RGS6: variants seen among roughly 807,000 people sequenced by gnomAD.
The protein encoded by RGS6 is regulator of G protein signaling 6.
In RGS6, 30 loss-of-function variants were observed where a neutral mutation model predicts 78.5. That is an observed-to-expected ratio of 0.38 (90% CI 0.29 to 0.52). The LOEUF (loss-of-function observed/expected upper bound fraction) is 0.52. Ranked by LOEUF, RGS6 falls within the 20% of genes least tolerant of loss-of-function variation. The probability of loss-of-function intolerance (pLI) is 0.85; values close to 1 mark genes in which losing one functional copy is unlikely to be tolerated. For missense variants in RGS6, 495 were observed against 609.7 expected, an observed-to-expected ratio of 0.81 and a Z score of 1.98; for synonymous variants, 206 against 206.0, an observed-to-expected ratio of 1.00 and a Z score of 0.00.
intron 3 of RGS6, among the ~76,000 whole-genome samples, chr14:72,431,419 C>T (rs2094629926): frequency 6.6e-6 from 1 of 152,178 alleles, no homozygotes; most frequent in Admixed American, 6.5e-5. Flanking sequence ...GTGGTGCGAT[C>T]TTGGCTCACT....
chr14:72,129,366 T>C (rs2096268689), intron 2 of RGS6, among the ~76,000 whole-genome samples: 1 of 152,222 alleles, frequency 6.6e-6, no homozygotes, highest in Non-Finnish European at 1.5e-5. Context: ...TAAATATTTG[T>C]TTAATGAATA....
intron 3 of RGS6, among the ~76,000 whole-genome samples, chr14:72,399,889 G>A (rs1427849807): frequency 1.3e-5 from 2 of 152,206 alleles, no homozygotes; most frequent in Non-Finnish European, 2.9e-5. Context: ...GGGACTATGT[G>A]TAAAGCCCAA....
At chr14:72,611,891 T>A in the RGS6 span, among the ~76,000 whole-genome samples, 184 of 152,198 alleles carry the variant, frequency 1.2e-3, no homozygotes, top group Middle Eastern at 3.4e-3. Context: ...TACATATACT[T>A]ACACCTTCCG....
chr14:72,386,072 G>C (rs773454852), intron 3 of RGS6, among the ~76,000 whole-genome samples: 9 of 152,088 alleles, frequency 5.9e-5, no homozygotes, highest in Non-Finnish European at 5.9e-5. Flanking sequence ...GCTTTCTTAG[G>C]CATGGGCAGG....
At chr14:71,885,027 G>A in the RGS6 span, among the ~76,000 whole-genome samples, 9 of 152,146 alleles carry the variant, frequency 5.9e-5, no homozygotes, top group African/African-American at 2.2e-4. Flanking sequence ...TGACAGCACT[G>A]CAAATGTAGC....
intron 2 of RGS6, among the ~76,000 whole-genome samples, chr14:72,034,749 C>G (rs1270643631): frequency 1.3e-5 from 2 of 152,086 alleles, no homozygotes; most frequent in Non-Finnish European, 1.5e-5. Context: ...GCCAATTCTT[C>G]TTTAAATGTT....
intron 2 of RGS6, among the ~76,000 whole-genome samples, chr14:72,138,984 C>T: frequency 6.6e-6 from 1 of 152,146 alleles, no homozygotes; most frequent in East Asian, 1.9e-4. Flanking sequence ...CCCCCACCGA[C>T]CCACCCAGTC....
chr14:72,148,891 G>A (rs751344505), intron 2 of RGS6, among the ~76,000 whole-genome samples: 2 of 152,238 alleles, frequency 1.3e-5, no homozygotes, highest in African/African-American at 2.4e-5. Flanking sequence ...ATGGGCAGAA[G>A]TAGAGCATTC....
chr14:72,284,358 G>GCCC (rs536156282), intron 2 of RGS6, among the ~76,000 whole-genome samples: 3 of 102,758 alleles, frequency 2.9e-5, no homozygotes, highest in Admixed American at 1.0e-4. Flanking sequence ...AGGAAAAAAT[G>GCCC]GCCCCCCCAC....
At chr14:72,600,864 A>ACTCCCCG in the RGS6 span, among the ~76,000 whole-genome samples, 7,460 of 151,100 alleles carry the variant, frequency 0.049, 651 homozygotes, top group African/African-American at 0.17. Flanking sequence ...TAGGGTCCCT[A>ACTCCCCG]CTCCCCGCAC....
intron 2 of RGS6, among the ~76,000 whole-genome samples, chr14:72,015,064 A>G (rs905187672): frequency 9.2e-5 from 14 of 152,190 alleles, no homozygotes; most frequent in African/African-American, 3.4e-4. Context: ...GAGACTGGGT[A>G]ATTAATAAAG....
intron 2 of RGS6, among the ~76,000 whole-genome samples, chr14:72,200,613 TGGAAACACACA>T (rs11274640): frequency 0.36 from 54,567 of 151,786 alleles, 10,282 homozygotes; most frequent in South Asian, 0.53. Flanking sequence ...GGGCTGTCCC[TGGAAACACACA>T]GTCCTCCTCA....
intron 2 of RGS6, among the ~76,000 whole-genome samples, chr14:72,039,451 T>C (rs1321237290): frequency 6.6e-6 from 1 of 152,194 alleles, no homozygotes; most frequent in African/African-American, 2.4e-5. Context: ...AATGTCCTTT[T>C]TTGTTTCTTC....
chr14:72,143,935 T>G (rs2096574353), intron 2 of RGS6, among the ~76,000 whole-genome samples: 3 of 152,158 alleles, frequency 2.0e-5, no homozygotes. Context: ...TAGTAAGAGA[T>G]ATGTCAGTCA....
At position 72,536,220 on chromosome 14, in the gene RGS6, A is replaced by C; in HGVS notation, c.1313A>C (p.Tyr438Ser). The C allele has an allele frequency of 1.2e-6, 2 of 1,613,946 alleles. No individual in the cohort carries two copies. Among genetic ancestry groups the C allele is most frequent in the Non-Finnish European group, 1.7e-6 (2 of 1,179,898 alleles). Residue 438 changes from tyrosine to serine, a missense_variant, in exon 16 of 18, where the codon TAT (tyrosine) becomes TCT (serine). Coordinates refer to ENST00000553525, the MANE Select transcript of RGS6 (RefSeq NM_001204424.2). ...HIYKLMKSDSYARFLRSNAYQ... is the reference protein window; with the variant it reads ...HIYKLMKSDSSARFLRSNAYQ... ...TACAAGCTGATGAAGAGTGACAGCT[A>C]TGCCCGCTTCCTCCGGTCAAATGCT...
chr14:72,301,267 A>T (rs566637068), intron 2 of RGS6, among the ~76,000 whole-genome samples: 4 of 152,332 alleles, frequency 2.6e-5, no homozygotes, highest in African/African-American at 9.6e-5. Flanking sequence ...TTTATTTGTC[A>T]TGTACTCAGA....
chr14:72,069,359 T>C (rs1411801186), intron 2 of RGS6, among the ~76,000 whole-genome samples: 2 of 152,228 alleles, frequency 1.3e-5, no homozygotes, highest in Non-Finnish European at 2.9e-5. Flanking sequence ...CTTTTAGCAG[T>C]AATCCTAGAA....
At chr14:72,355,276 C>A (rs1265381042) in intron 3 of RGS6, among the ~76,000 whole-genome samples, 1 of 151,876 alleles carries the variant, frequency 6.6e-6, no homozygotes, top group Non-Finnish European at 1.5e-5. Context: ...TCACTGAAAC[C>A]CCCACCTCCT....
At chr14:71,916,673 G>T in the RGS6 span, among the ~76,000 whole-genome samples, 1 of 152,144 alleles carries the variant, frequency 6.6e-6, no homozygotes, top group Non-Finnish European at 1.5e-5. Context: ...TCTCTGAGAG[G>T]ATCAGGCAAT....
Sources: gnomAD v4.1 joint callset for allele counts (sites outside exome capture counted in the v4.1 genomes callset) on GRCh38, gnomAD v4.1.1 for gene constraint, MANE v1.5 for transcripts, NCBI Gene and HGNC (gene_info 2026-07-23, HGNC 2026-07-21) for gene names.